The following TMEM11 variants were observed in gnomAD, a reference collection of about 807,000 sequenced individuals.
TMEM11 encodes transmembrane protein 11, mitochondrial.
TMEM11 carries 1 observed loss-of-function variant against 17.0 expected under a neutral mutation model. The observed-to-expected ratio is 0.06, with a 90% CI of 0.02 to 0.28. TMEM11 has a LOEUF of 0.28. TMEM11 is among the 10% of genes least tolerant of loss of function. TMEM11 has a pLI of 1.00. For missense variants in TMEM11, 172 were observed against 252.9 expected, an observed-to-expected ratio of 0.68 and a Z score of 2.17; for synonymous variants, 122 against 118.1, an observed-to-expected ratio of 1.03 and a Z score of -0.21.
chr17:21,213,799 T>G (rs1307192792), intron 1 of TMEM11: 1 of 443,248 alleles, frequency 2.3e-6, no homozygotes, highest in African/African-American at 2.1e-5. Context: ...AGGCCTGCGC[T>G]GGGCGCCAGT....
chr17:21,202,327 T>A (rs1974891090), intron 1 of TMEM11, among the ~76,000 whole-genome samples: 1 of 152,170 alleles, frequency 6.6e-6, no homozygotes, highest in South Asian at 2.1e-4. Flanking sequence ...AGAGGCGGGC[T>A]TCCTCCCTCA....
chr17:21,203,807 G>T (rs576767455), intron 1 of TMEM11, among the ~76,000 whole-genome samples: 33 of 151,966 alleles, frequency 2.2e-4, no homozygotes, highest in African/African-American at 7.7e-4. Flanking sequence ...GCTTCTGCTT[G>T]TGGGTCAAAC....
At chr17:21,208,094 G>A (rs995521718) in intron 1 of TMEM11, among the ~76,000 whole-genome samples, 8 of 150,140 alleles carry the variant, frequency 5.3e-5, no homozygotes, top group Non-Finnish European at 1.0e-4. Flanking sequence ...CTGGGTTCAC[G>A]CCATTCTCCT....
At chr17:21,201,973 A>G (rs9905688) in intron 1 of TMEM11, among the ~76,000 whole-genome samples, 4,952 of 152,278 alleles carry the variant, frequency 0.033, 241 homozygotes, top group African/African-American at 0.11. Flanking sequence ...AAACAAGCAC[A>G]CCCAAAGCAG....
At chr17:21,212,070 T>C (rs1975008582) in intron 1 of TMEM11, among the ~76,000 whole-genome samples, 1 of 152,138 alleles carries the variant, frequency 6.6e-6, no homozygotes, top group Non-Finnish European at 1.5e-5. Flanking sequence ...TTCCATCCCC[T>C]GCTCAGCATG....
In TMEM11 at chr17:21,198,888, G is replaced by A; in HGVS notation, c.63-48C>T. 3 of 1,565,582 alleles carry A rather than the reference G, an allele frequency of 1.9e-6. No homozygotes were observed. Among genetic ancestry groups the A allele is most frequent in the Non-Finnish European group, 2.6e-6 (3 of 1,155,594 alleles). The stretch of plus-strand genomic sequence containing the variant: ...AGGGAGAGAGAGAGAGAGACAGGAT[G>A]ATTAGGCTGAGGAGCACTTAACTGT... On this transcript the variant is annotated intron_variant, in intron 1 of 1. Coordinates refer to ENST00000317635, the MANE Select transcript of TMEM11 (RefSeq NM_003876.3). The surrounding 1 kb of genome is among the most constrained non-coding windows in gnomAD (Gnocchi z 6.5).
At chr17:21,208,582 A>G (rs1401923118) in intron 1 of TMEM11, 1 of 152,280 alleles carries the variant, frequency 6.6e-6, no homozygotes, top group Non-Finnish European at 1.5e-5. Context: ...GTTTCCCTTG[A>G]GCAAACACTG....
intron 1 of TMEM11, among the ~76,000 whole-genome samples, chr17:21,212,369 C>T (rs894846674): frequency 4.0e-5 from 3 of 75,594 alleles, no homozygotes; most frequent in Non-Finnish European, 9.4e-5. Flanking sequence ...TTGAGTCAAG[C>T]TGTCAGGTGA....
At position 21,205,254 on chromosome 17, in the gene TMEM11, C is replaced by T. The variant is rs972098806; in HGVS notation, c.63-6414G>A. Among the ~76,000 whole-genome samples the T allele has an allele frequency of 8.5e-5, 13 of 152,246 alleles. No individual in the cohort carries two copies. The South Asian group carries it at 1.9e-3, about 22-fold the overall frequency. On this transcript the variant is annotated intron_variant, in intron 1 of 1. Transcript: ENST00000317635. ...CAAGAAGGTTCAGAGCAGAACTGTT[C>T]GGTGAGAGCAAAAGATGACAGGAGC...
At chr17:21,213,788 G>A (rs2144316137) in intron 1 of TMEM11, 1 of 402,558 alleles carries the variant, frequency 2.5e-6, no homozygotes, top group African/African-American at 2.1e-5. Flanking sequence ...GCGGGTCCCT[G>A]AGGCCTGCGC....
intron 1 of TMEM11, among the ~76,000 whole-genome samples, chr17:21,208,035 C>T (rs1271774769): frequency 6.7e-6 from 1 of 149,384 alleles, no homozygotes; most frequent in African/African-American, 2.5e-5. Context: ...CTCTGTCGCC[C>T]AGGCTCAAGT....
Position 21,198,537 on chromosome 17 carries a change from A to G in TMEM11, c.366T>C (p.Tyr122=), listed in dbSNP as rs1597767667. The G allele has an allele frequency of 1.9e-6, 3 of 1,614,266 alleles. No homozygotes were observed. Among genetic ancestry groups the G allele is most frequent in the Non-Finnish European group, 2.5e-6 (3 of 1,180,050 alleles). ...AAGGGTCAAACTGCCAGGAGATCCCATAGAGGGTGCAGCAGGCCAGGCTCA... is the reference window on the plus strand; with the variant it reads ...AAGGGTCAAACTGCCAGGAGATCCCGTAGAGGGTGCAGCAGGCCAGGCTCA... ...GVLSLACCTL[Y]GISWQFDPCC... is the part of the protein sequence containing the mutation. The change falls in exon 2 of 2, where the codon TAT becomes TAC. Residue 122 remains tyrosine, a synonymous_variant. Transcript: ENST00000317635. The surrounding 1 kb of genome is among the most constrained non-coding windows in gnomAD (Gnocchi z 6.5).
intron 1 of TMEM11, among the ~76,000 whole-genome samples, chr17:21,210,580 C>T (rs1040814659): frequency 6.6e-6 from 1 of 152,194 alleles, no homozygotes; most frequent in African/African-American, 2.4e-5. Context: ...ACCCAACCTG[C>T]CCCCGGGGCC....
Position 21,214,102 on chromosome 17 carries a change from G to A in TMEM11, c.51C>T (p.Ser17=), listed in dbSNP as rs1261164216. 1 of 1,610,714 alleles carries A rather than the reference G, an allele frequency of 6.2e-7. No individual in the cohort carries two copies. The highest frequency in any genetic ancestry group is 8.5e-7 in the Non-Finnish European group (1 of 1,179,356). The part of the protein sequence containing the change: ...RRLGPGSSGG[S]ARERVSLSAT... Reference sequence around the variant, plus strand: ...CCCTTGGATCTCACCTCTCTCGGGCGCTGCCGCCACTGCTGCCCGGGCCAA... The same window carrying A: ...CCCTTGGATCTCACCTCTCTCGGGCACTGCCGCCACTGCTGCCCGGGCCAA... The change falls in exon 1 of 2, where the codon AGC becomes AGT. Residue 17 remains serine, a synonymous_variant. Coordinates refer to ENST00000317635, the MANE Select transcript of TMEM11 (RefSeq NM_003876.3).
At chr17:21,205,290 G>C (rs558113404) in intron 1 of TMEM11, among the ~76,000 whole-genome samples, 34 of 152,262 alleles carry the variant, frequency 2.2e-4, no homozygotes, top group African/African-American at 8.2e-4. Context: ...GGGGAGAGCA[G>C]AATCGCACCT....
rs1974846432 is a variant in TMEM11, at chr17:21,198,645, C to T, written c.258G>A (p.Val86=). The T allele has an allele frequency of 7.4e-6, 12 of 1,614,060 alleles. No homozygotes were observed. The highest frequency in any genetic ancestry group is 9.3e-6 in the Non-Finnish European group (11 of 1,180,036). Reference sequence around the variant, plus strand: ...TGAAGAGGCAGGCGGTGCCCGCCAGCACGGCCGTCTTGTGCAGGCAGTTGC... The same window carrying T: ...TGAAGAGGCAGGCGGTGCCCGCCAGTACGGCCGTCTTGTGCAGGCAGTTGC... The part of the protein sequence containing the change: ...TVGNCLHKTA[V]LAGTACLFTP... The change falls in exon 2 of 2, where the codon GTG becomes GTA. Residue 86 remains valine, a synonymous_variant. Coordinates refer to ENST00000317635, the MANE Select transcript of TMEM11 (RefSeq NM_003876.3). The surrounding 1 kb of genome is among the most constrained non-coding windows in gnomAD (Gnocchi z 6.5).
intron 1 of TMEM11, among the ~76,000 whole-genome samples, chr17:21,207,839 G>C (rs928939104): frequency 2.6e-5 from 4 of 151,710 alleles, no homozygotes. Flanking sequence ...AGTGAGCCAA[G>C]ATCACACCAC....
At chr17:21,199,124 G>T (rs529591261) in intron 1 of TMEM11, among the ~76,000 whole-genome samples, 2 of 150,618 alleles carry the variant, frequency 1.3e-5, no homozygotes, top group South Asian at 2.1e-4. Flanking sequence ...TTAGAGACCA[G>T]CCTGGCCAAC....
chr17:21,214,053 G>A (rs1975034499), intron 1 of TMEM11, 38 bp downstream of exon 1: 2 of 1,585,956 alleles, frequency 1.3e-6, no homozygotes, highest in Non-Finnish European at 1.7e-6. Flanking sequence ...CGGCCGCTGA[G>A]CCGCCTGCAC....
Sources: gnomAD v4.1 joint callset for allele counts (sites outside exome capture counted in the v4.1 genomes callset) on GRCh38, gnomAD v4.1.1 for gene constraint, Gnocchi (gnomAD v3.1) non-coding constraint, MANE v1.5 for transcripts, NCBI Gene and HGNC (gene_info 2026-07-23, HGNC 2026-07-21) for gene names.